The following S100PBP variants were observed in gnomAD, a reference collection of about 807,000 sequenced individuals.
S100PBP encodes S100P-binding protein.
A neutral mutation model predicts 39.9 loss-of-function variants in S100PBP; 15 were observed. The observed-to-expected ratio is 0.38, with a 90% CI of 0.25 to 0.58. The LOEUF (loss-of-function observed/expected upper bound fraction) is 0.58, where lower values mean the gene tolerates loss of function less well. Ranked by LOEUF, S100PBP falls within the 20% of genes least tolerant of loss-of-function variation. S100PBP has a pLI of 0.70. For missense variants in S100PBP, 504 were observed against 487.3 expected, an observed-to-expected ratio of 1.03 and a Z score of -0.32; for synonymous variants, 178 against 180.3, an observed-to-expected ratio of 0.99 and a Z score of 0.10.
chr1:32,816,916 T>C (rs556076084), upstream of S100PBP: 541 of 586,684 alleles, frequency 9.2e-4, 2 homozygotes, highest in African/African-American at 4.8e-4. Context: ...TGGCACTTAA[T>C]AGGGGGGTGG....
chr1:32,840,654 A>T (rs1640045351), intron 5 of S100PBP, among the ~76,000 whole-genome samples: 2 of 151,496 alleles, frequency 1.3e-5, no homozygotes, highest in East Asian at 3.9e-4. Context: ...ACCACGCCCG[A>T]CCTATTTTCT....
At chr1:32,819,506 G>T (rs994902688) in intron 1 of S100PBP, among the ~76,000 whole-genome samples, 2 of 152,232 alleles carry the variant, frequency 1.3e-5, no homozygotes, top group African/African-American at 4.8e-5. Context: ...AGAGGTTGCA[G>T]TGAGCCCAGA....
chr1:32,843,681 G>T (rs894334623), intron 5 of S100PBP, among the ~76,000 whole-genome samples: 5 of 152,072 alleles, frequency 3.3e-5, no homozygotes, highest in African/African-American at 1.2e-4. Context: ...TCGAACTCCC[G>T]ACCTCAAGTG....
chr1:32,829,461 T>A (rs1239081841), intron 4 of S100PBP, among the ~76,000 whole-genome samples: 1 of 152,172 alleles, frequency 6.6e-6, no homozygotes, highest in Non-Finnish European at 1.5e-5. Flanking sequence ...CGTCTTTTTT[T>A]AAATTATTTG....
intron 1 of S100PBP, chr1:32,818,974 G>A: frequency 6.6e-6 from 1 of 152,218 alleles, no homozygotes; most frequent in Middle Eastern, 3.2e-3. Flanking sequence ...TGACTTTAGA[G>A]CTTGAAAGAG....
intron 1 of S100PBP, among the ~76,000 whole-genome samples, chr1:32,821,725 C>A (rs1015920375): frequency 2.0e-5 from 3 of 151,802 alleles, no homozygotes; most frequent in Non-Finnish European, 4.4e-5. Flanking sequence ...ACCTCCGCCT[C>A]CTGGGTTTCA....
chr1:32,822,638 A>C (rs914421929), intron 1 of S100PBP, among the ~76,000 whole-genome samples: 1 of 151,372 alleles, frequency 6.6e-6, no homozygotes, highest in African/African-American at 2.4e-5. Flanking sequence ...AAAAAAAAAA[A>C]AGAGGAAGTA....
intron 3 of S100PBP, 115 bp downstream of exon 3, chr1:32,827,045 G>A: frequency 1.5e-6 from 1 of 682,138 alleles, no homozygotes; most frequent in East Asian, 2.8e-5. Context: ...CCTGCTGTGG[G>A]CATCCTACAC....
At chr1:32,822,883 A>C (rs1050317100) in intron 1 of S100PBP, among the ~76,000 whole-genome samples, 3 of 152,132 alleles carry the variant, frequency 2.0e-5, no homozygotes, top group African/African-American at 7.2e-5. Context: ...TATTTTTTCC[A>C]AGAGACCAAA....
Position 32,829,945 on chromosome 1 carries a change from C to T in S100PBP, c.921-19C>T, listed in dbSNP as rs778310933. 1 of 1,576,652 alleles carries T rather than the reference C, an allele frequency of 6.3e-7. No homozygotes were observed. The highest frequency in any genetic ancestry group is 1.4e-5 in the African/African-American group (1 of 73,772). On this transcript the variant is annotated intron_variant, in intron 4 of 6. Transcript: ENST00000373475. ...TTCTAATGGGCTGTTTTTCTTTTTTCTGGTTTGCTTTATTCAAGGACTAAT... is the reference window on the plus strand; with the variant it reads ...TTCTAATGGGCTGTTTTTCTTTTTTTTGGTTTGCTTTATTCAAGGACTAAT...
chr1:32,845,015 TTTA>T (rs1200463526), intron 5 of S100PBP, among the ~76,000 whole-genome samples: 6 of 146,440 alleles, frequency 4.1e-5, no homozygotes, highest in Admixed American at 6.9e-5. Context: ...ATTTTTATTA[TTTA>T]TTTATTTATT....
At position 32,850,997 on chromosome 1, in the gene S100PBP, G is replaced by A. The variant is rs377204783; in HGVS notation, c.1025-2082G>A. Among the ~76,000 whole-genome samples, 8 of 152,302 alleles carry A rather than the reference G, an allele frequency of 5.3e-5. No homozygotes were observed. The East Asian group carries it at 5.8e-4, about 11-fold the overall frequency. ...GCTGTGTGCCATAGCAATGTGCTAG[G>A]TCTTTTACGTTCAATATTCCTAAAA... On this transcript the variant is annotated intron_variant, in intron 5 of 6. Transcript: ENST00000373475.
upstream of S100PBP, chr1:32,817,286 AG>A: frequency 6.2e-7 from 1 of 1,612,006 alleles, no homozygotes; most frequent in Non-Finnish European, 8.5e-7. Flanking sequence ...CCGGCACCAG[AG>A]CCCCTTCCTG....
chr1:32,843,779 G>A (rs934424436), intron 5 of S100PBP, among the ~76,000 whole-genome samples: 5 of 151,742 alleles, frequency 3.3e-5, no homozygotes, highest in African/African-American at 4.8e-5. Flanking sequence ...TAGTAAAGAC[G>A]GGGTTTCACC....
At chr1:32,817,486 C>A (rs950191989), upstream of S100PBP, 15 of 608,900 alleles carry the variant, frequency 2.5e-5, no homozygotes, top group East Asian at 3.6e-4. Context: ...GTGGGCGGTG[C>A]GGAGGGCGGG....
At chr1:32,854,601 T>G (rs1054972286) in intron 6 of S100PBP, among the ~76,000 whole-genome samples, 1 of 152,230 alleles carries the variant, frequency 6.6e-6, no homozygotes, top group Admixed American at 6.6e-5. Context: ...GCCTCCCTGC[T>G]TCTGCCCTTG....
At chr1:32,817,115 G>A (rs888639912), upstream of S100PBP, 1 of 1,585,442 alleles carries the variant, frequency 6.3e-7, no homozygotes, top group Admixed American at 1.7e-5. Flanking sequence ...TTAGAACCCC[G>A]TAATGGGGCT....
intron 5 of S100PBP, 48 bp from the exon 6 acceptor site, chr1:32,853,031 A>G: frequency 7.7e-7 from 1 of 1,306,382 alleles, no homozygotes; most frequent in South Asian, 1.2e-5. Flanking sequence ...ACGTTGGCTG[A>G]CGTAGTTCAC....
At chr1:32,833,423 G>A (rs371720784) in intron 5 of S100PBP, among the ~76,000 whole-genome samples, 4 of 149,984 alleles carry the variant, frequency 2.7e-5, no homozygotes, top group Admixed American at 6.7e-5. Flanking sequence ...GTGCAGTGGC[G>A]CGATCTCGGC....
Sources: allele counts gnomAD v4.1 joint callset (sites outside exome capture counted in the v4.1 genomes callset), GRCh38; gene constraint gnomAD v4.1.1; transcripts MANE v1.5; gene names NCBI Gene and HGNC (gene_info 2026-07-23, HGNC 2026-07-21).